Variants in CDHR3 observed in about 807,000 individuals in gnomAD.
CDHR3 encodes the protein cadherin-related family member 3.
CDHR3 carries 79 observed loss-of-function variants against 86.6 expected under a neutral mutation model. That is an observed-to-expected ratio of 0.91 (90% CI 0.76 to 1.10). CDHR3 has a LOEUF of 1.10. CDHR3 is among the 50% of genes least tolerant of loss of function. CDHR3 has a pLI of 0.00. For synonymous variants in CDHR3, 421 were observed against 402.4 expected (o/e 1.05, Z -0.55); for missense variants, 1,081 against 1,077.6 (o/e 1.00, Z -0.04).
chr7:105,986,840 G>A (rs1444366296), intron 4 of CDHR3, among the ~76,000 whole-genome samples: 5 of 152,062 alleles, frequency 3.3e-5, no homozygotes, highest in Admixed American at 6.6e-5. Flanking sequence ...GGAGAAAGTT[G>A]GGAGAAAGAG....
intron 3 of CDHR3, among the ~76,000 whole-genome samples, chr7:105,982,637 C>T (rs1429276146): frequency 6.6e-6 from 1 of 151,976 alleles, no homozygotes; most frequent in East Asian, 1.9e-4. Flanking sequence ...CCTACCTCAG[C>T]ATTTTGCATT....
chr7:105,983,092 C>G (rs746880193), intron 3 of CDHR3, among the ~76,000 whole-genome samples: 11 of 152,136 alleles, frequency 7.2e-5, no homozygotes, highest in Non-Finnish European at 1.3e-4. Context: ...CTTCCTTCCC[C>G]AATTTTTCTC....
rs1835945485 is a variant in CDHR3, at chr7:106,018,119, T to C, written c.1653+47T>C. ...AGTGCCGGTAACCCAACTGGTTGACTTAGGGTCTCTCTGGCACCCCCAGAG... is the reference window on the plus strand; with the variant it reads ...AGTGCCGGTAACCCAACTGGTTGACCTAGGGTCTCTCTGGCACCCCCAGAG... On this transcript the variant is annotated intron_variant, in intron 12 of 18. Transcript: ENST00000317716. 5 of 1,508,660 alleles carry C rather than the reference T, an allele frequency of 3.3e-6. No individual in the cohort carries two copies. In the South Asian group the frequency reaches 3.5e-5, roughly 11 times the overall value. The allele number at this position is 1,508,660 out of a possible 1,614,324, so 93.5% of individuals were successfully genotyped here.
chr7:105,965,004 CCCAATT>C (rs1826645585), intron 1 of CDHR3, among the ~76,000 whole-genome samples: 1 of 151,822 alleles, frequency 6.6e-6, no homozygotes, highest in African/African-American at 2.4e-5. Flanking sequence ...TTAGGAAGAA[CCCAATT>C]TCTTATACTG....
intron 4 of CDHR3, among the ~76,000 whole-genome samples, chr7:105,986,337 A>C (rs889960344): frequency 6.6e-6 from 1 of 152,284 alleles, no homozygotes; most frequent in South Asian, 2.1e-4. Flanking sequence ...AGAACTCTCT[A>C]TGTGCCAGGC....
chr7:106,014,597 A>C (rs1426361586), intron 9 of CDHR3, among the ~76,000 whole-genome samples: 5 of 152,202 alleles, frequency 3.3e-5, no homozygotes, highest in Admixed American at 3.3e-4. Flanking sequence ...TAGCCACTGC[A>C]CACCAGCCTG....
intron 2 of CDHR3, among the ~76,000 whole-genome samples, chr7:105,980,052 G>T (rs1018755681): frequency 6.6e-6 from 1 of 152,172 alleles, no homozygotes; most frequent in Non-Finnish European, 1.5e-5. Flanking sequence ...ACAAAATACT[G>T]ATAGTGCAGA....
intron 4 of CDHR3, among the ~76,000 whole-genome samples, chr7:105,993,937 T>C (rs549247797): frequency 6.6e-6 from 1 of 152,158 alleles, no homozygotes; most frequent in Admixed American, 6.5e-5. Flanking sequence ...GCTGGAAGCC[T>C]ATGATGACAA....
rs750296785 is a variant in CDHR3, at chr7:105,974,922, A to T, written c.125A>T (p.His42Leu). 1.9e-6 allele frequency: 3 copies of T among 1,613,858 alleles called. No individual in the cohort carries two copies. In the African/African-American group the frequency reaches 4.0e-5, roughly 22 times the overall value. The change falls in exon 2 of 19, where the codon CAC becomes CTC. Residue 42 changes from histidine (H) to leucine (L), a missense_variant. Physicochemically the swap from His to Leu is moderately conservative, Grantham distance 99. Coordinates refer to ENST00000317716, the MANE Select transcript of CDHR3 (RefSeq NM_152750.5). ...AENSPPGTSV[H>L]KFSVKLSASL... Reference sequence around the variant, plus strand: ...AATTCTCCACCTGGGACTTCAGTGCACAAGTTTTCTGTGAAGTTATCAGCA... The same window carrying T: ...AATTCTCCACCTGGGACTTCAGTGCTCAAGTTTTCTGTGAAGTTATCAGCA...
At chr7:106,024,346 C>A (rs1308946989) in intron 14 of CDHR3, 35 bp from the exon 15 acceptor site, 12 of 1,593,798 alleles carry the variant, frequency 7.5e-6, no homozygotes, top group African/African-American at 1.3e-5. Context: ...TCACTACCAC[C>A]CTCTACTCAC....
chr7:105,965,561 A>ACCCC, intron 1 of CDHR3, among the ~76,000 whole-genome samples: 1 of 54,980 alleles, frequency 1.8e-5, no homozygotes, highest in Non-Finnish European at 5.1e-5. Context: ...GCCCAACTCA[A>ACCCC]GCCCCACCCC....
intron 1 of CDHR3, among the ~76,000 whole-genome samples, chr7:105,965,240 G>A (rs1056858344): frequency 7.2e-5 from 11 of 152,090 alleles, no homozygotes; most frequent in African/African-American, 2.7e-4. Context: ...GGCTTCTAGC[G>A]GGGCAGCCAC....
At position 106,018,937 on chromosome 7, in the gene CDHR3, C is replaced by T. The variant is rs925011582; in HGVS notation, c.1653+865C>T. Among the ~76,000 whole-genome samples, 4 of 152,120 alleles carry T rather than the reference C, an allele frequency of 2.6e-5. No homozygotes were observed. The East Asian group carries it at 5.8e-4, about 22-fold the overall frequency. ...ATTTCTGACGTGCTTCCAAGTGGGGCGGCGCTGCTGGTCCCCTGCCACACC... is the reference window on the plus strand; with the variant it reads ...ATTTCTGACGTGCTTCCAAGTGGGGTGGCGCTGCTGGTCCCCTGCCACACC... On this transcript the variant is annotated intron_variant, in intron 12 of 18. Transcript: ENST00000317716.
At chr7:106,029,548 G>GTCTC (rs59823993) in intron 17 of CDHR3, among the ~76,000 whole-genome samples, 4,980 of 147,088 alleles carry the variant, frequency 0.034, 161 homozygotes, top group East Asian at 0.12. Flanking sequence ...CTCCACCTCT[G>GTCTC]TCTCTCTCTC....
At position 106,032,440 on chromosome 7, in the gene CDHR3, T is replaced by C; in HGVS notation, c.2401T>C (p.Trp801Arg). 4 of 1,612,660 alleles carry C rather than the reference T, an allele frequency of 2.5e-6. No homozygotes were observed. The highest frequency in any genetic ancestry group is 3.4e-6 in the Non-Finnish European group (4 of 1,179,044). ...CAACTCAAAAACTGGAGCCAGAAAG[T>C]GGAAAGATCCACTAACCCAAATGCC... The part of the protein sequence containing the change: ...EFNSKTGARK[W>R]KDPLTQMPKW... The change falls in exon 19 of 19, where the codon TGG (tryptophan) becomes CGG (arginine). Residue 801 changes from tryptophan to arginine, a missense_variant. By Grantham distance (101) the Trp-to-Arg change is moderately radical. Coordinates refer to ENST00000317716, the MANE Select transcript of CDHR3 (RefSeq NM_152750.5).
At chr7:105,994,097 C>T (rs1330981601) in intron 4 of CDHR3, among the ~76,000 whole-genome samples, 1 of 152,196 alleles carries the variant, frequency 6.6e-6, no homozygotes, top group Non-Finnish European at 1.5e-5. Context: ...CACCCTTGTC[C>T]CTTGTTCCTT....
At chr7:105,970,710 A>G (rs968279472) in intron 1 of CDHR3, among the ~76,000 whole-genome samples, 1 of 152,176 alleles carries the variant, frequency 6.6e-6, no homozygotes, top group Admixed American at 6.5e-5. Flanking sequence ...TTTTGTGAAT[A>G]TTGTATCTTA....
At chr7:106,011,278 T>C (rs1355203411) in intron 8 of CDHR3, among the ~76,000 whole-genome samples, 1 of 152,226 alleles carries the variant, frequency 6.6e-6, no homozygotes, top group Non-Finnish European at 1.5e-5. Flanking sequence ...TCCTTGAATC[T>C]GAGCTTGACC....
intron 12 of CDHR3, among the ~76,000 whole-genome samples, chr7:106,019,765 G>T (rs949265994): frequency 1.1e-4 from 16 of 152,166 alleles, no homozygotes; most frequent in African/African-American, 3.4e-4. Flanking sequence ...TGCTTGTTCT[G>T]TCCCAGTGAG....
Sources: allele counts gnomAD v4.1 joint callset (sites outside exome capture counted in the v4.1 genomes callset), GRCh38; gene constraint gnomAD v4.1.1; transcripts MANE v1.5; gene names NCBI Gene and HGNC (gene_info 2026-07-23, HGNC 2026-07-21).